Variants in SRGAP2 observed in about 807,000 individuals in gnomAD.
SRGAP2 encodes the protein SLIT-ROBO Rho GTPase activating protein 2.
SRGAP2 carries 15 observed loss-of-function variants against 57.2 expected under a neutral mutation model. The ratio of observed to expected loss-of-function variants is 0.26; its 90% CI spans 0.18 to 0.40. The LOEUF is 0.40. SRGAP2 is among the 10% of genes least tolerant of loss of function. The pLI is 1.00. For missense variants in SRGAP2, 520 were observed against 669.6 expected, an observed-to-expected ratio of 0.78 and a Z score of 2.47; for synonymous variants, 249 against 248.0, an observed-to-expected ratio of 1.00 and a Z score of -0.04.
chr1:206,291,113 C>A (rs1222219725), intron 2 of SRGAP2, among the ~76,000 whole-genome samples: 1 of 151,412 alleles, frequency 6.6e-6, no homozygotes, highest in Non-Finnish European at 1.5e-5. Context: ...TCAACATTGC[C>A]AGCCTAGCAC....
In SRGAP2 at chr1:206,299,826, CTCTT is replaced by C. The variant is rs1164244607; in HGVS notation, c.68-3450_68-3447del. On this transcript the variant is annotated intron_variant, in intron 2 of 22. Coordinates refer to ENST00000573034, the MANE Select transcript of SRGAP2 (RefSeq NM_015326.5). ...TCTTTTGCCTTCTTCCTTCTTCATTCTCTTTCTTCTTTCTTTTTCTCCTCCTTTT... is the reference window on the plus strand; with the variant it reads ...TCTTTTGCCTTCTTCCTTCTTCATTCTCTTCTTTCTTTTTCTCCTCCTTTT... Among the ~76,000 whole-genome samples the C allele has an allele frequency of 2.2e-4, 33 of 152,168 alleles. 1 individual carries two copies. In the East Asian group the frequency reaches 5.4e-3, roughly 25 times the overall value.
chr1:206,290,847 T>C (rs1351261489), intron 2 of SRGAP2, among the ~76,000 whole-genome samples: 1 of 151,798 alleles, frequency 6.6e-6, no homozygotes, highest in African/African-American at 2.4e-5. Flanking sequence ...AGCTAGTAGG[T>C]GGTGGAGCTG....
Position 206,286,901 on chromosome 1 carries a change from C to G in SRGAP2, c.68-16380C>G. Among the ~76,000 whole-genome samples the G allele has an allele frequency of 1.3e-5, 2 of 152,112 alleles. 1 individual carries two copies. Among genetic ancestry groups the G allele is most frequent in the South Asian group, 4.2e-4 (2 of 4,816 alleles). ...ATGTAAGGTTTTGGAAAGCCGTTAG[C>G]TTTTCTCCACTGGGAAGCCATTGAA... On this transcript the variant is annotated intron_variant, in intron 2 of 22. Coordinates refer to ENST00000573034, the MANE Select transcript of SRGAP2 (RefSeq NM_015326.5).
rs181481161 is a variant in SRGAP2, at chr1:206,357,397, T to A, written c.423+14389T>A. ...CCAATCTTTTTTATACACATTTTTTTAAAAATGAGAGTTACATTATATATT... is the reference window on the plus strand; with the variant it reads ...CCAATCTTTTTTATACACATTTTTTAAAAAATGAGAGTTACATTATATATT... On this transcript the variant is annotated intron_variant, in intron 4 of 22. Transcript: ENST00000573034. 4.0e-4 allele frequency among the ~76,000 whole-genome samples: 60 copies of A among 151,668 alleles called. No homozygotes were observed. The East Asian group carries it at 9.3e-3, about 23-fold the overall frequency.
chr1:206,448,201 A>G (rs554401380), intron 18 of SRGAP2, among the ~76,000 whole-genome samples: 1 of 152,294 alleles, frequency 6.6e-6, no homozygotes, highest in South Asian at 2.1e-4. Flanking sequence ...TAGAGCACTA[A>G]GAAGAGAATG....
At chr1:206,362,803 A>G (rs1476583102) in intron 4 of SRGAP2, among the ~76,000 whole-genome samples, 1 of 151,830 alleles carries the variant, frequency 6.6e-6, no homozygotes, top group East Asian at 1.9e-4. Context: ...TGGAAACAGT[A>G]TGTTTCCTCA....
chr1:206,295,458 C>T (rs1279428391), intron 2 of SRGAP2, among the ~76,000 whole-genome samples: 9 of 151,586 alleles, frequency 5.9e-5, no homozygotes, highest in Non-Finnish European at 1.5e-5. Flanking sequence ...CTCCTGACCT[C>T]GTGATCTGCC....
rs1668358031 is a variant in SRGAP2 at position 206,243,414 on chromosome 1, T to G, written c.67+37377T>G. On this transcript the variant is annotated intron_variant, in intron 2 of 22. Coordinates refer to ENST00000573034, the MANE Select transcript of SRGAP2 (RefSeq NM_015326.5). ...GAGAAAATAGCAAGTGAAAAGGATGTGTACACAGCAGCATGAATGGGGTGC... is the reference window on the plus strand; with the variant it reads ...GAGAAAATAGCAAGTGAAAAGGATGGGTACACAGCAGCATGAATGGGGTGC... Among the ~76,000 whole-genome samples the G allele has an allele frequency of 5.3e-5, 8 of 151,730 alleles. No individual in the cohort carries two copies. The South Asian group carries it at 1.7e-3, about 32-fold the overall frequency.
intron 5 of SRGAP2, among the ~76,000 whole-genome samples, chr1:206,391,986 C>T (rs1190085542): frequency 2.0e-5 from 3 of 148,452 alleles, no homozygotes; most frequent in Non-Finnish European, 4.5e-5. Flanking sequence ...GTTTTGAAGG[C>T]TTACAGTCTT....
chr1:206,372,956 T>TTTCTTTCTTTCTTTCTTTC (rs1416086064), intron 4 of SRGAP2, among the ~76,000 whole-genome samples: 2 of 9,226 alleles, frequency 2.2e-4, no homozygotes, highest in Admixed American at 1.4e-3. Context: ...TCTTTCTTTC[T>TTTCTTTCTTTCTTTCTTTC]TTTCTTTCCT....
rs535742018 is a variant in SRGAP2 at position 206,463,793 on chromosome 1, CCTT to C, written c.*2376_*2378del. The C allele has an allele frequency of 1.5e-4, 23 of 152,614 alleles. No homozygotes were observed. In the East Asian group the frequency reaches 4.1e-3, roughly 27 times the overall value. 9.5% of individuals were successfully genotyped at this position (152,614 alleles called of 1,614,324 possible). A position where few individuals can be genotyped will look rare whatever the true frequency, so the allele number is the denominator to read the frequency against. ...GACTAGGAACCGATAGGAGGAGAGT[CCTT>C]CTCGGCAGAGCTCACTGCAAACAAC... On this transcript the variant is annotated 3_prime_UTR_variant, in exon 23 of 23. Coordinates refer to ENST00000573034, the MANE Select transcript of SRGAP2 (RefSeq NM_015326.5).
At chr1:206,295,271 T>C (rs1394964013) in intron 2 of SRGAP2, among the ~76,000 whole-genome samples, 1 of 152,182 alleles carries the variant, frequency 6.6e-6, no homozygotes. Flanking sequence ...TCGCCCAGGC[T>C]GGAGTGCAAT....
At chr1:206,418,105 A>AG (rs1483740115) in intron 11 of SRGAP2, among the ~76,000 whole-genome samples, 1 of 141,846 alleles carries the variant, frequency 7.0e-6, no homozygotes, top group African/African-American at 3.0e-5. Context: ...AGCAATAAAG[A>AG]AAAAAAAAAG....
At position 206,458,915 on chromosome 1, in the gene SRGAP2, C is replaced by T. The variant is rs1664049919; in HGVS notation, c.2800C>T (p.His934Tyr). 1.3e-6 allele frequency: 1 copy of T among 778,284 alleles called. No homozygotes were observed. The highest frequency in any genetic ancestry group is 2.4e-5 in the East Asian group (1 of 41,176). The allele number at this position is 778,284 out of a possible 1,614,324, so 48.2% of individuals were successfully genotyped here. ...GGGAAGGTCAAAAAGCTTCAATAAC[C>T]ATCGGCCCATGGACCCTGAGGTCAT... is the stretch of plus-strand genomic sequence containing the variant. ...TAGRSKSFNN[H>Y]RPMDPEVIAQ... Residue 934 changes from histidine to tyrosine, a missense_variant, in exon 22 of 23, where the codon CAT becomes TAT. This residue lies in a region of SRGAP2 where 478 missense variants were observed against 373.6 expected (regional missense o/e 1.28). Transcript: ENST00000573034.
chr1:206,314,096 G>C (rs1156751099), intron 3 of SRGAP2, among the ~76,000 whole-genome samples: 3 of 125,684 alleles, frequency 2.4e-5, no homozygotes, highest in Non-Finnish European at 1.7e-5. Flanking sequence ...GGGCTTTTTT[G>C]TTTTTTTTGT....
At chr1:206,433,693 T>C (rs868960481) in intron 14 of SRGAP2, among the ~76,000 whole-genome samples, 20 of 149,824 alleles carry the variant, frequency 1.3e-4, no homozygotes, top group African/African-American at 4.9e-4. Flanking sequence ...CAACCCAAAA[T>C]GGAATGCAGA....
intron 7 of SRGAP2, among the ~76,000 whole-genome samples, chr1:206,395,840 A>G (rs1572044671): frequency 6.6e-6 from 1 of 151,666 alleles, no homozygotes; most frequent in Non-Finnish European, 1.5e-5. Flanking sequence ...TTTAAAAAAA[A>G]AAAAACGTCT....
intron 13 of SRGAP2, among the ~76,000 whole-genome samples, chr1:206,425,377 A>G (rs993379784): frequency 5.3e-5 from 8 of 152,208 alleles, no homozygotes; most frequent in African/African-American, 1.9e-4. Context: ...TTTGGTGTGT[A>G]TGTATTGGGA....
chr1:206,417,611 G>A (rs1335131511), intron 11 of SRGAP2, among the ~76,000 whole-genome samples: 1 of 151,200 alleles, frequency 6.6e-6, no homozygotes, highest in Non-Finnish European at 1.5e-5. Flanking sequence ...GTAGGGACGA[G>A]GTTTCACCAT....
Sources: gnomAD v4.1 joint callset for allele counts (sites outside exome capture counted in the v4.1 genomes callset) on GRCh38, gnomAD v4.1.1 for gene constraint, gnomAD v4.1.1 regional missense constraint, MANE v1.5 for transcripts, NCBI Gene and HGNC (gene_info 2026-07-23, HGNC 2026-07-21) for gene names.